FHIT: variants seen among roughly 807,000 people sequenced by gnomAD.
The protein encoded by FHIT is bis(5'-adenosyl)-triphosphatase.
A neutral mutation model predicts 17.9 loss-of-function variants in FHIT; 19 were observed. The observed-to-expected ratio is 1.06, with a 90% CI of 0.74 to 1.56. The LOEUF is 1.56. Among genes scored for constraint, FHIT ranks in the 40% most tolerant of loss-of-function variants. The pLI, the probability that FHIT is intolerant of heterozygous loss-of-function variation, is 0.00. For missense variants in FHIT, 248 were observed against 189.2 expected (o/e 1.31, Z -1.82); for synonymous variants, 81 against 69.7 (o/e 1.16, Z -0.81).
chr3:60,573,332 C>A (rs541076110), intron 4 of FHIT, among the ~76,000 whole-genome samples: 6 of 152,134 alleles, frequency 3.9e-5, no homozygotes, highest in Non-Finnish European at 8.8e-5. Context: ...GCAGAAGCAC[C>A]CATCTCCTTT....
intron 4 of FHIT, among the ~76,000 whole-genome samples, chr3:60,718,601 A>T (rs2041740199): frequency 6.6e-6 from 1 of 152,214 alleles, no homozygotes; most frequent in African/African-American, 2.4e-5. Flanking sequence ...CCAGTCACTC[A>T]TGAAAAGAAC....
intron 4 of FHIT, among the ~76,000 whole-genome samples, chr3:60,552,120 T>G (rs1268176875): frequency 6.6e-6 from 1 of 152,170 alleles, no homozygotes; most frequent in Admixed American, 6.5e-5. Context: ...TTATTTCACT[T>G]AGCATGTGTT....
intron 5 of FHIT, among the ~76,000 whole-genome samples, chr3:60,073,825 C>T (rs932135103): frequency 6.6e-6 from 1 of 152,108 alleles, no homozygotes; most frequent in Non-Finnish European, 1.5e-5. Context: ...GTCCTGCAAC[C>T]TCCAGCTTGA....
At chr3:61,168,847 G>T (rs1433891947) in intron 2 of FHIT, among the ~76,000 whole-genome samples, 1 of 152,160 alleles carries the variant, frequency 6.6e-6, no homozygotes, top group Admixed American at 6.5e-5. Flanking sequence ...ACAGGGAAAG[G>T]TATTTCTTTT....
chr3:60,173,909 A>ATTTTTTT (rs1265683403), intron 5 of FHIT, among the ~76,000 whole-genome samples: 2 of 69,760 alleles, frequency 2.9e-5, no homozygotes, highest in Non-Finnish European at 5.3e-5. Context: ...ATATATATAT[A>ATTTTTTT]TATATATGTT....
intron 5 of FHIT, chr3:60,080,884 T>C (rs2736777): frequency 0.38 from 57,995 of 151,984 alleles, 11,709 homozygotes; most frequent in African/African-American, 0.51. Flanking sequence ...ACTGTTCTTG[T>C]GACCTTGCCA....
chr3:60,942,841 A>C (rs991156427), intron 3 of FHIT, among the ~76,000 whole-genome samples: 3 of 152,158 alleles, frequency 2.0e-5, no homozygotes, highest in African/African-American at 7.2e-5. Context: ...ATGAGTCTAT[A>C]AATTTCCCTC....
At chr3:60,725,922 G>C (rs2041908136) in intron 4 of FHIT, among the ~76,000 whole-genome samples, 1 of 151,972 alleles carries the variant, frequency 6.6e-6, no homozygotes, top group Admixed American at 6.6e-5. Context: ...ATGATATTAA[G>C]GCTCACTGAT....
chr3:60,792,462 A>G (rs1700816881), intron 4 of FHIT, among the ~76,000 whole-genome samples: 2 of 152,232 alleles, frequency 1.3e-5, no homozygotes, highest in African/African-American at 4.8e-5. Flanking sequence ...CATTCAGGAT[A>G]AAGACAGGAT....
intron 4 of FHIT, among the ~76,000 whole-genome samples, chr3:60,615,368 G>A (rs1159819274): frequency 2.6e-5 from 4 of 152,174 alleles, no homozygotes; most frequent in Admixed American, 6.5e-5. Flanking sequence ...TGTAGGAAAC[G>A]TGATTCCGTG....
intron 3 of FHIT, among the ~76,000 whole-genome samples, chr3:61,028,288 A>T (rs2032837126): frequency 6.6e-6 from 1 of 152,212 alleles, no homozygotes; most frequent in Non-Finnish European, 1.5e-5. Flanking sequence ...GAGACATACA[A>T]AGAAGTAAGA....
At chr3:60,850,444 T>C (rs1553747946) in intron 3 of FHIT, among the ~76,000 whole-genome samples, 1 of 151,638 alleles carries the variant, frequency 6.6e-6, no homozygotes, top group Non-Finnish European at 1.5e-5. Context: ...GACTATCCAG[T>C]CTAAAGCAGA....
chr3:60,216,706 C>T (rs2107526450), intron 5 of FHIT, among the ~76,000 whole-genome samples: 1 of 152,224 alleles, frequency 6.6e-6, no homozygotes, highest in East Asian at 1.9e-4. Context: ...TGCAGGGTTC[C>T]ATAACAGAGC....
chr3:59,922,166 A>T (rs1210150265), intron 8 of FHIT, among the ~76,000 whole-genome samples, 180 bp downstream of exon 8: 1 of 152,198 alleles, frequency 6.6e-6, no homozygotes, highest in Non-Finnish European at 1.5e-5. Flanking sequence ...ATAATTAATT[A>T]GTCATGGGTT....
At chr3:60,764,407 T>TAGGTGGATGGGTAGGTGGGG (rs1488927490) in intron 4 of FHIT, among the ~76,000 whole-genome samples, 1 of 152,062 alleles carries the variant, frequency 6.6e-6, no homozygotes, top group Admixed American at 6.6e-5. Flanking sequence ...TCCTCAGCTG[T>TAGGTGGATGGGTAGGTGGGG]AGGTGGATGG....
intron 5 of FHIT, among the ~76,000 whole-genome samples, chr3:60,130,587 T>G (rs1343963729): frequency 6.6e-6 from 1 of 152,000 alleles, no homozygotes; most frequent in Non-Finnish European, 1.5e-5. Context: ...ACTTCAAAAA[T>G]GAAAACACTG....
chr3:60,061,030 G>A (rs1443605155), intron 5 of FHIT, among the ~76,000 whole-genome samples: 1 of 152,180 alleles, frequency 6.6e-6, no homozygotes, highest in East Asian at 1.9e-4. Context: ...GGAGCTATTG[G>A]TTGGTCCACA....
chr3:60,071,505 G>A (rs201059722), intron 5 of FHIT, among the ~76,000 whole-genome samples: 11 of 151,870 alleles, frequency 7.2e-5, no homozygotes, highest in Non-Finnish European at 1.0e-4. Flanking sequence ...GTGTTTTTTT[G>A]TCTTCACATG....
Position 60,450,888 on chromosome 3 carries a change from A to C in FHIT, c.103+85972T>G, listed in dbSNP as rs371291697. 9.8e-5 allele frequency among the ~76,000 whole-genome samples: 15 copies of C among 152,328 alleles called. No individual in the cohort carries two copies. In the South Asian group the frequency reaches 3.1e-3, roughly 32 times the overall value. On this transcript the variant is annotated intron_variant, in intron 5 of 9. Transcript: ENST00000492590. Reference sequence around the variant, plus strand: ...TTCGAATTATTTAACAGCCAGGTCCATATAGAGAATAAATAGTAGACTATT... The same window carrying C: ...TTCGAATTATTTAACAGCCAGGTCCCTATAGAGAATAAATAGTAGACTATT...
Sources: gnomAD v4.1 joint callset for allele counts (sites outside exome capture counted in the v4.1 genomes callset) on GRCh38, gnomAD v4.1.1 for gene constraint, MANE v1.5 for transcripts, NCBI Gene and HGNC (gene_info 2026-07-23, HGNC 2026-07-21) for gene names.